HAPSTR1: variants seen among roughly 807,000 people sequenced by gnomAD.
HAPSTR1 encodes the protein HUWE1-associated protein modifying stress responses 1.
chr16:9,094,797 A>G, the HAPSTR1 span, among the ~76,000 whole-genome samples: 8 of 152,072 alleles, frequency 5.3e-5, no homozygotes, highest in Non-Finnish European at 8.8e-5. Flanking sequence ...ACACATTTTT[A>G]GTGTTTTTAT....
the HAPSTR1 span, among the ~76,000 whole-genome samples, chr16:9,100,551 T>A: frequency 1.1e-4 from 16 of 152,274 alleles, no homozygotes; most frequent in South Asian, 4.1e-4. Flanking sequence ...CTTTTTTTTT[T>A]GAGAGAGAGT....
chr16:9,092,188 C>A, the HAPSTR1 span: 10 of 1,581,692 alleles, frequency 6.3e-6, no homozygotes, highest in Admixed American at 1.5e-4. Context: ...AGGCGGCGGC[C>A]GCCGCGCAGC....
the HAPSTR1 span, among the ~76,000 whole-genome samples, chr16:9,115,646 G>A: frequency 6.6e-6 from 1 of 152,146 alleles, no homozygotes; most frequent in South Asian, 2.1e-4. Flanking sequence ...TTTTGAGACG[G>A]AGTTTCGCTC....
the HAPSTR1 span, chr16:9,116,533 A>C: frequency 8.7e-7 from 1 of 1,154,012 alleles, no homozygotes; most frequent in Non-Finnish European, 1.2e-6. Context: ...ATAAAACTTA[A>C]TTGCTTACTA....
chr16:9,101,994 G>A, the HAPSTR1 span, among the ~76,000 whole-genome samples: 2 of 152,064 alleles, frequency 1.3e-5, no homozygotes, highest in South Asian at 2.1e-4. Flanking sequence ...GGTGGCGTGC[G>A]CCTGTAATCC....
the HAPSTR1 span, chr16:9,118,155 A>G: frequency 6.5e-6 from 1 of 152,734 alleles, no homozygotes; most frequent in Admixed American, 6.5e-5. Context: ...ACTGAATGAT[A>G]GTGTTTTTTT....
chr16:9,121,294 C>G, the HAPSTR1 span: 1 of 152,200 alleles, frequency 6.6e-6, no homozygotes. Context: ...TGTAGATGAA[C>G]TATCTGGGTC....
the HAPSTR1 span, among the ~76,000 whole-genome samples, chr16:9,097,181 C>G: frequency 6.6e-6 from 1 of 151,800 alleles, no homozygotes; most frequent in African/African-American, 2.4e-5. Context: ...CTCAGGTGAT[C>G]CGCCCGCCTT....
At chr16:9,105,876 T>C in the HAPSTR1 span, 1 of 152,268 alleles carries the variant, frequency 6.6e-6, no homozygotes, top group Non-Finnish European at 1.5e-5. Context: ...TCATGTCCTA[T>C]GTATTTAAGA....
the HAPSTR1 span, chr16:9,103,778 C>A: frequency 2.6e-5 from 4 of 154,664 alleles, no homozygotes; most frequent in Admixed American, 1.3e-4. Flanking sequence ...GTCCCTTGCA[C>A]TTTAAGAGGC....
At chr16:9,109,678 C>G in the HAPSTR1 span, 1 of 152,134 alleles carries the variant, frequency 6.6e-6, no homozygotes, top group Non-Finnish European at 1.5e-5. Flanking sequence ...CTTTAATCTT[C>G]CCAATTGTAA....
chr16:9,117,235 C>G, the HAPSTR1 span: 2 of 245,598 alleles, frequency 8.1e-6, no homozygotes, highest in Non-Finnish European at 1.6e-5. Flanking sequence ...AAGGAAATAT[C>G]AGATGTTTAT....
the HAPSTR1 span, among the ~76,000 whole-genome samples, chr16:9,095,256 A>G: frequency 1.3e-5 from 2 of 152,194 alleles, no homozygotes; most frequent in African/African-American, 2.4e-5. Context: ...TACTCTGGAT[A>G]GCCTCACACT....
chr16:9,106,861 T>G, the HAPSTR1 span: 1 of 152,160 alleles, frequency 6.6e-6, no homozygotes, highest in East Asian at 1.9e-4. Context: ...AACTGGTAAC[T>G]CGTTTTTATG....
the HAPSTR1 span, chr16:9,119,196 A>G: frequency 2.6e-4 from 40 of 152,512 alleles, no homozygotes; most frequent in African/African-American, 8.7e-4. Context: ...CGCACAGAAT[A>G]AACATGAAGC....
chr16:9,104,565 A>G, the HAPSTR1 span: 1 of 152,194 alleles, frequency 6.6e-6, no homozygotes, highest in South Asian at 2.1e-4. Flanking sequence ...TCTCTGGCAA[A>G]CCGTAGTTCT....
the HAPSTR1 span, among the ~76,000 whole-genome samples, chr16:9,098,421 A>C: frequency 6.6e-6 from 1 of 152,182 alleles, no homozygotes; most frequent in African/African-American, 2.4e-5. Flanking sequence ...AGTAGCTAGG[A>C]GGTGTGCTTA....
At chr16:9,104,774 TAG>T in the HAPSTR1 span, 2 of 152,212 alleles carry the variant, frequency 1.3e-5, no homozygotes, top group Admixed American at 6.5e-5. Context: ...TATGCTGAAT[TAG>T]AGAGTTTCAC....
At chr16:9,102,074 C>G in the HAPSTR1 span, among the ~76,000 whole-genome samples, 1 of 152,146 alleles carries the variant, frequency 6.6e-6, no homozygotes. Flanking sequence ...ATCGAGCCAT[C>G]GCACTACAGC....
Sources: gnomAD v4.1 joint callset for allele counts (sites outside exome capture counted in the v4.1 genomes callset) on GRCh38, gnomAD v4.1.1 for gene constraint, MANE v1.5 for transcripts, NCBI Gene and HGNC (gene_info 2026-07-23, HGNC 2026-07-21) for gene names.